The following ZNF804A variants were observed in gnomAD, a reference collection of about 807,000 sequenced individuals.
The protein encoded by ZNF804A is zinc finger protein 804A.
In ZNF804A, 2 loss-of-function variants were observed where a neutral mutation model predicts 16.5. That is an observed-to-expected ratio of 0.12 (90% confidence interval 0.05 to 0.38). The LOEUF (loss-of-function observed/expected upper bound fraction) is 0.38, where lower values mean the gene tolerates loss of function less well. Among genes scored for constraint, ZNF804A ranks in the 10% least tolerant of loss-of-function variants. The pLI, the probability that ZNF804A is intolerant of heterozygous loss-of-function variation, is 0.99. For missense variants in ZNF804A, 1,473 were observed against 1,390.7 expected (o/e 1.06, Z -0.94); for synonymous variants, 534 against 489.6 (o/e 1.09, Z -1.20).
At chr2:184,888,492 A>G (rs561641357) in intron 2 of ZNF804A, among the ~76,000 whole-genome samples, 5 of 152,260 alleles carry the variant, frequency 3.3e-5, no homozygotes, top group Middle Eastern at 3.4e-3. Flanking sequence ...CCCTTGCTCA[A>G]TTTGGTTCTC....
chr2:184,931,538 C>A (rs1685702185), intron 2 of ZNF804A, among the ~76,000 whole-genome samples: 1 of 152,142 alleles, frequency 6.6e-6, no homozygotes, highest in African/African-American at 2.4e-5. Flanking sequence ...GGATGCAGGG[C>A]AGTAAGTCCT....
intron 1 of ZNF804A, among the ~76,000 whole-genome samples, chr2:184,651,022 A>G (rs1184246260): frequency 6.6e-6 from 1 of 152,152 alleles, no homozygotes; most frequent in Non-Finnish European, 1.5e-5. Flanking sequence ...GATATATCAT[A>G]TTACCCAACT....
chr2:184,710,053 C>T lies in ZNF804A; in HGVS notation c.111+110983C>T, dbSNP rs115520273. 2.6e-3 allele frequency among the ~76,000 whole-genome samples: 397 copies of T among 150,982 alleles called. 8 individuals carry two copies. Among genetic ancestry groups the T allele is most frequent in the African/African-American group, 9.1e-3 (377 of 41,310 alleles). On this transcript the variant is annotated intron_variant, in intron 1 of 3. Coordinates refer to ENST00000302277, the MANE Select transcript of ZNF804A (RefSeq NM_194250.2). ...ATTACAGGAAATGATACATTTGTATCTGTTTTTTTATTTGTTATTCTTTTT... is the reference window on the plus strand; with the variant it reads ...ATTACAGGAAATGATACATTTGTATTTGTTTTTTTATTTGTTATTCTTTTT...
At chr2:184,674,313 A>G (rs575295276) in intron 1 of ZNF804A, among the ~76,000 whole-genome samples, 19 of 152,024 alleles carry the variant, frequency 1.2e-4, no homozygotes, top group Non-Finnish European at 2.5e-4. Context: ...GGAAACTAAT[A>G]ATCTTAAAGC....
intron 1 of ZNF804A, among the ~76,000 whole-genome samples, chr2:184,736,776 A>G (rs13023106): frequency 0.14 from 21,669 of 151,866 alleles, 1,682 homozygotes; most frequent in Middle Eastern, 0.24. Flanking sequence ...ACAGTGGTTA[A>G]TTCGTTTTCT....
intron 1 of ZNF804A, among the ~76,000 whole-genome samples, chr2:184,830,014 G>A (rs1240036309): frequency 6.7e-6 from 1 of 149,750 alleles, no homozygotes; most frequent in Non-Finnish European, 1.5e-5. Flanking sequence ...GGCTTAGGTG[G>A]GAGGATCACC....
chr2:184,939,137 T>C lies in ZNF804A; in HGVS notation c.*111T>C, dbSNP rs1574280373. 3.7e-6 allele frequency: 5 copies of C among 1,351,246 alleles called. No individual in the cohort carries two copies. Among genetic ancestry groups the C allele is most frequent in the Middle Eastern group, 1.9e-4 (1 of 5,232 alleles). The allele number at this position is 1,351,246 out of a possible 1,614,324, so 83.7% of individuals were successfully genotyped here. On this transcript the variant is annotated 3_prime_UTR_variant, in exon 4 of 4. Transcript: ENST00000302277. ...TAACTGGTGGAAATAAACTGGCCGA[T>C]ACATGGCGTCATTGGTTTGAAATCA... is the stretch of plus-strand genomic sequence containing the variant.
At chr2:184,634,177 C>A (rs941108871) in intron 1 of ZNF804A, among the ~76,000 whole-genome samples, 2 of 152,158 alleles carry the variant, frequency 1.3e-5, no homozygotes, top group African/African-American at 4.8e-5. Context: ...TGCAATGTTA[C>A]AATATGTCAA....
At chr2:184,787,402 A>G (rs11675794) in intron 1 of ZNF804A, among the ~76,000 whole-genome samples, 20,433 of 116,662 alleles carry the variant, frequency 0.18, 1,857 homozygotes, top group Non-Finnish European at 0.23. Context: ...GAATAGTAGT[A>G]CTATTTTTAG....
intron 1 of ZNF804A, among the ~76,000 whole-genome samples, chr2:184,607,934 C>CT (rs1222396824): frequency 6.3e-4 from 37 of 58,380 alleles, no homozygotes; most frequent in African/African-American, 2.0e-3. Flanking sequence ...CTTGATGCAT[C>CT]TCTTTTTTTT....
intron 2 of ZNF804A, among the ~76,000 whole-genome samples, chr2:184,879,597 T>C (rs1445340624): frequency 1.3e-5 from 2 of 151,960 alleles, no homozygotes; most frequent in Non-Finnish European, 1.5e-5. Flanking sequence ...TTTAGGAATA[T>C]AGGAAGGTGA....
intron 1 of ZNF804A, among the ~76,000 whole-genome samples, chr2:184,729,613 G>T (rs549760680): frequency 6.6e-6 from 1 of 152,042 alleles, no homozygotes; most frequent in South Asian, 2.1e-4. Flanking sequence ...TGAATGCAAA[G>T]TGAACAAAAA....
At chr2:184,653,002 C>T in intron 1 of ZNF804A, among the ~76,000 whole-genome samples, 1 of 152,036 alleles carries the variant, frequency 6.6e-6, no homozygotes, top group South Asian at 2.1e-4. Flanking sequence ...AAACCTCTTT[C>T]CTTTATAAAC....
intron 1 of ZNF804A, among the ~76,000 whole-genome samples, chr2:184,746,752 G>A (rs992944417): frequency 1.3e-5 from 2 of 150,834 alleles, no homozygotes; most frequent in African/African-American, 4.9e-5. Flanking sequence ...ATCTCCATGA[G>A]TTCCATTGTT....
intron 1 of ZNF804A, among the ~76,000 whole-genome samples, chr2:184,827,146 G>C (rs1261174900): frequency 6.6e-6 from 1 of 151,626 alleles, no homozygotes; most frequent in Non-Finnish European, 1.5e-5. Context: ...CCTGAAAATG[G>C]TCAGCATATT....
At chr2:184,711,468 C>A (rs1693124904) in intron 1 of ZNF804A, among the ~76,000 whole-genome samples, 1 of 151,706 alleles carries the variant, frequency 6.6e-6, no homozygotes, top group African/African-American at 2.4e-5. Flanking sequence ...CCTCTGCACT[C>A]TGTTGGTTGT....
chr2:184,794,057 A>G (rs1004981311), intron 1 of ZNF804A, among the ~76,000 whole-genome samples: 5 of 152,066 alleles, frequency 3.3e-5, no homozygotes, highest in Admixed American at 1.3e-4. Context: ...TTTTTAAAAT[A>G]ATTACTTCTT....
intron 1 of ZNF804A, among the ~76,000 whole-genome samples, chr2:184,847,170 CTCGCCAG>C (rs1695532676): frequency 2.0e-5 from 3 of 152,204 alleles, no homozygotes; most frequent in Admixed American, 6.6e-5. Context: ...CTCAATTTAG[CTCGCCAG>C]AGGAATCTAT....
At chr2:184,830,150 T>C (rs1695240759) in intron 1 of ZNF804A, among the ~76,000 whole-genome samples, 1 of 151,404 alleles carries the variant, frequency 6.6e-6, no homozygotes, top group Admixed American at 6.6e-5. Context: ...ACAAATAATC[T>C]TAATCTATTT....
Sources: allele counts gnomAD v4.1 joint callset (sites outside exome capture counted in the v4.1 genomes callset), GRCh38; gene constraint gnomAD v4.1.1; transcripts MANE v1.5; gene names NCBI Gene and HGNC (gene_info 2026-07-23, HGNC 2026-07-21).